FGD2: variants seen among roughly 807,000 people sequenced by gnomAD.
FGD2 encodes the protein FYVE, RhoGEF and PH domain-containing protein 2.
FGD2 carries 52 observed loss-of-function variants against 75.9 expected under a neutral mutation model. The observed-to-expected ratio is 0.69, with a 90% CI of 0.55 to 0.86. The LOEUF is 0.86. Ranked by LOEUF, FGD2 falls within the 40% of genes least tolerant of loss-of-function variation. The pLI is 0.00. For synonymous variants in FGD2, 347 were observed against 348.6 expected (o/e 1.00, Z 0.05); for missense variants, 790 against 872.0 (o/e 0.91, Z 1.18).
chr6:37,025,724 A>C (rs551325436), intron 13 of FGD2, 68 bp from the exon 14 acceptor site: 1 of 1,585,438 alleles, frequency 6.3e-7, no homozygotes, highest in African/African-American at 1.3e-5. Flanking sequence ...CCACCTGCCC[A>C]CCAAGGCAGG....
chr6:37,026,069 C>A, intron 14 of FGD2, 131 bp downstream of exon 14: 1 of 1,466,150 alleles, frequency 6.8e-7, no homozygotes. Flanking sequence ...CCCCCTCTCC[C>A]TCTTCCTCTC....
intron 4 of FGD2, among the ~76,000 whole-genome samples, chr6:37,012,766 C>A (rs1211587072): frequency 6.6e-6 from 1 of 150,570 alleles, no homozygotes; most frequent in Non-Finnish European, 1.5e-5. Flanking sequence ...CCTATGAGAT[C>A]GCCTGCCATC....
rs1765883431 is a variant in FGD2, at chr6:37,027,543, C to A, written c.1720C>A (p.Pro574Thr). ...RGWCVIPRDD[P>T]LVLYVYAAPQ... ...CTGGTGTGTGATCCCTCGGGATGAC[C>A]CCCTCGTGCTCTATGTCTATGCTGC... The change falls in exon 15 of 16, where the codon CCC (proline) becomes ACC (threonine). Residue 574 changes from proline (P) to threonine (T), a missense_variant. By Grantham distance (38) the Pro-to-Thr change is conservative. Coordinates refer to ENST00000274963, the MANE Select transcript of FGD2 (RefSeq NM_173558.4). 6.2e-7 allele frequency: 1 copy of A among 1,613,942 alleles called. No homozygotes were observed. Among genetic ancestry groups the A allele is most frequent in the African/African-American group, 1.3e-5 (1 of 74,912 alleles).
At chr6:37,025,667 C>T in intron 13 of FGD2, 125 bp from the exon 14 acceptor site, 1 of 1,017,454 alleles carries the variant, frequency 9.8e-7, no homozygotes, top group Non-Finnish European at 1.5e-6. Flanking sequence ...CTATTCCTCC[C>T]TCGAAGCTTT....
In FGD2 at chr6:37,013,774, G is replaced by C; in HGVS notation, c.684+9G>C. 6.2e-7 allele frequency: 1 copy of C among 1,613,524 alleles called. No individual in the cohort carries two copies. The highest frequency in any genetic ancestry group is 8.5e-7 in the Non-Finnish European group (1 of 1,179,742). The stretch of plus-strand genomic sequence containing the variant: ...TTCTCACTCGCATCCAGGTGAGGCT[G>C]GGGGAGGGCTGGAGTCAGCATTGCC... On this transcript the variant is annotated intron_variant, in intron 5 of 15. Coordinates refer to ENST00000274963, the MANE Select transcript of FGD2 (RefSeq NM_173558.4).
At position 37,013,851 on chromosome 6, in the gene FGD2, C is replaced by T. The variant is rs1765143942; in HGVS notation, c.684+86C>T. Reference sequence around the variant, plus strand: ...GCCTTGAGTGATTCCGGGCATCTCCCAGGCTCAGCTGCTTCCATAGGCCCC... The same window carrying T: ...GCCTTGAGTGATTCCGGGCATCTCCTAGGCTCAGCTGCTTCCATAGGCCCC... On this transcript the variant is annotated intron_variant, in intron 5 of 15. Coordinates refer to ENST00000274963, the MANE Select transcript of FGD2 (RefSeq NM_173558.4). 4 of 1,587,666 alleles carry T rather than the reference C, an allele frequency of 2.5e-6. No individual in the cohort carries two copies. The Admixed American group carries it at 5.1e-5, about 20-fold the overall frequency.
intron 4 of FGD2, chr6:37,013,310 C>T (rs1039018485): frequency 3.6e-5 from 15 of 415,122 alleles, no homozygotes; most frequent in African/African-American, 6.2e-5. Context: ...AGGTAGCCCT[C>T]GTTATTGTTA....
intron 12 of FGD2, 90 bp from the exon 13 acceptor site, chr6:37,022,149 G>T: frequency 6.8e-7 from 1 of 1,480,868 alleles, no homozygotes; most frequent in Non-Finnish European, 9.0e-7. Context: ...CCCTGCTACA[G>T]CAGGTGGGCA....
chr6:37,012,790 T>C (rs938111474), intron 4 of FGD2, among the ~76,000 whole-genome samples: 8 of 151,258 alleles, frequency 5.3e-5, no homozygotes, highest in Non-Finnish European at 7.4e-5. Context: ...CCAATTTTTT[T>C]CAATGAGAAA....
rs370164828 is a variant in FGD2, at chr6:37,014,881, C to A, written c.883-11C>A. 5.6e-6 allele frequency: 9 copies of A among 1,612,650 alleles called. No homozygotes were observed. Among genetic ancestry groups the A allele is most frequent in the African/African-American group, 1.3e-5 (1 of 74,924 alleles). ...CCCAGACTTGGCTGAGGATGCACCC[C>A]AACCCCCTAGGAGCGGCTGCAGGAC... On this transcript the variant is annotated splice_polypyrimidine_tract_variant and intron_variant, in intron 7 of 15. Coordinates refer to ENST00000274963, the MANE Select transcript of FGD2 (RefSeq NM_173558.4).
At chr6:37,014,615 A>G (rs897886945) in intron 6 of FGD2, 31 bp from the exon 7 acceptor site, 2 of 1,612,322 alleles carry the variant, frequency 1.2e-6, no homozygotes, top group Non-Finnish European at 1.7e-6. Context: ...CTAGATTCTC[A>G]GGGAATAAAC....
chr6:37,014,117 G>A lies in FGD2; in HGVS notation c.823+17G>A. On this transcript the variant is annotated intron_variant, in intron 6 of 15. Transcript: ENST00000274963. Reference sequence around the variant, plus strand: ...ATGCCCAGAGTGAGGACACCCCCAGGGGTCCCAGGGGGCTGAGGAGGCCTA... The same window carrying A: ...ATGCCCAGAGTGAGGACACCCCCAGAGGTCCCAGGGGGCTGAGGAGGCCTA... 1 of 1,611,264 alleles carries A rather than the reference G, an allele frequency of 6.2e-7. No individual in the cohort carries two copies. The highest frequency in any genetic ancestry group is 8.5e-7 in the Non-Finnish European group (1 of 1,178,730).
Position 37,013,618 on chromosome 6 carries a change from C to A in FGD2, c.537C>A (p.Asn179Lys). 7 of 1,613,774 alleles carry A rather than the reference C, an allele frequency of 4.3e-6. No individual in the cohort carries two copies. The highest frequency in any genetic ancestry group is 4.2e-6 in the Non-Finnish European group (5 of 1,179,800). The change falls in exon 5 of 16, where the codon AAC (asparagine) becomes AAA (lysine). Residue 179 changes from asparagine (N) to lysine (K), a missense_variant. By Grantham distance (94) the Asn-to-Lys change is moderately conservative. Coordinates refer to ENST00000274963, the MANE Select transcript of FGD2 (RefSeq NM_173558.4). ...TGTGCCCCTCCTGCAGGACAGCTAA[C>A]CCCCGCATCGGTGACGTGATCCAGA... is the stretch of plus-strand genomic sequence containing the variant. ...LQRRLDDWTA[N>K]PRIGDVIQKL...
intron 13 of FGD2, chr6:37,023,287 C>T (rs1765678296): frequency 6.5e-6 from 1 of 154,754 alleles, no homozygotes; most frequent in African/African-American, 2.4e-5. Context: ...GTGAAACCTA[C>T]CTCCAGTGTG....
At chr6:37,022,174 C>T in intron 12 of FGD2, 65 bp from the exon 13 acceptor site, 7 of 1,544,184 alleles carry the variant, frequency 4.5e-6, no homozygotes, top group Non-Finnish European at 6.1e-6. Flanking sequence ...GCCCCAGGCC[C>T]TGGGAGGATG....
intron 4 of FGD2, among the ~76,000 whole-genome samples, chr6:37,012,767 G>A (rs140888543): frequency 4.7e-5 from 7 of 150,290 alleles, no homozygotes; most frequent in Non-Finnish European, 8.9e-5. Flanking sequence ...CTATGAGATC[G>A]CCTGCCATCA....
intron 2 of FGD2, 35 bp from the exon 3 acceptor site, chr6:37,010,938 C>A (rs777406950): frequency 1.9e-6 from 3 of 1,606,242 alleles, no homozygotes; most frequent in South Asian, 1.1e-5. Context: ...TGTCTTCCCC[C>A]TTTTTCTCCT....
chr6:37,016,836 C>T (rs776764645), intron 9 of FGD2, among the ~76,000 whole-genome samples: 4 of 152,080 alleles, frequency 2.6e-5, no homozygotes, highest in Admixed American at 1.3e-4. Flanking sequence ...CACACCCAGC[C>T]TGTTTTTTAT....
chr6:37,013,362 C>A, intron 4 of FGD2: 1 of 1,085,904 alleles, frequency 9.2e-7, no homozygotes, highest in Non-Finnish European at 1.2e-6. Context: ...CTGCTGTGGG[C>A]CCAACACTGT....
Sources: gnomAD v4.1 joint callset for allele counts (sites outside exome capture counted in the v4.1 genomes callset) on GRCh38, gnomAD v4.1.1 for gene constraint, MANE v1.5 for transcripts, NCBI Gene and HGNC (gene_info 2026-07-23, HGNC 2026-07-21) for gene names.